COL28A1: variants seen among roughly 807,000 people sequenced by gnomAD.
COL28A1 encodes the protein collagen type XXVIII alpha 1 chain, also known as collagen alpha-1(XXVIII) chain.
COL28A1 carries 161 observed loss-of-function variants against 150.2 expected under a neutral mutation model. That is an observed-to-expected ratio of 1.07 (90% CI 0.94 to 1.22). The LOEUF is 1.22. COL28A1 is among the 50% of genes most tolerant of loss of function. The pLI is 0.00. For missense variants in COL28A1, 1,617 were observed against 1,388.3 expected, an observed-to-expected ratio of 1.16 and a Z score of -2.62; for synonymous variants, 552 against 469.7, an observed-to-expected ratio of 1.18 and a Z score of -2.26.
chr7:7,492,302 G>A (rs1779957213), intron 11 of COL28A1, among the ~76,000 whole-genome samples: 1 of 152,090 alleles, frequency 6.6e-6, no homozygotes, highest in African/African-American at 2.4e-5. Flanking sequence ...TAACCGATGT[G>A]GTGGCTCATG....
Position 7,496,831 on chromosome 7 carries a change from G to A in COL28A1, c.1027-6185C>T, listed in dbSNP as rs1004428615. Among the ~76,000 whole-genome samples the A allele has an allele frequency of 1.2e-4, 18 of 152,124 alleles. 1 individual carries two copies. Among genetic ancestry groups the A allele is most frequent in the African/African-American group, 4.3e-4 (18 of 41,482 alleles). The stretch of plus-strand genomic sequence containing the variant: ...AAAAATCATTTCCCAGATATGCATG[G>A]GACCAACTTTAATATTTTAAGTTTT... On this transcript the variant is annotated intron_variant, in intron 11 of 34. Coordinates refer to ENST00000399429, the MANE Select transcript of COL28A1 (RefSeq NM_001037763.3).
At chr7:7,380,570 C>G (rs1005571834) in intron 30 of COL28A1, 90 bp downstream of exon 30, 1 of 1,151,542 alleles carries the variant, frequency 8.7e-7, no homozygotes, top group African/African-American at 1.6e-5. Context: ...GATTCTGCAT[C>G]CAAAAAATTC....
downstream of COL28A1, among the ~76,000 whole-genome samples, chr7:7,351,647 A>C (rs1260980551): frequency 2.6e-5 from 4 of 152,206 alleles, no homozygotes; most frequent in Non-Finnish European, 5.9e-5. Context: ...GTTCATTTAA[A>C]TGAAAGATTT....
chr7:7,347,227 C>G, the COL28A1 span, among the ~76,000 whole-genome samples: 1 of 151,978 alleles, frequency 6.6e-6, no homozygotes, highest in African/African-American at 2.4e-5. Context: ...GGTGCATGAG[C>G]CCTGACTTAA....
intron 32 of COL28A1, among the ~76,000 whole-genome samples, chr7:7,371,901 C>T (rs1377490685): frequency 2.0e-5 from 3 of 151,896 alleles, no homozygotes; most frequent in African/African-American, 2.4e-5. Flanking sequence ...GGTACAATCT[C>T]GGCTCACTGT....
At chr7:7,354,636 C>T (rs1780308013), downstream of COL28A1, among the ~76,000 whole-genome samples, 1 of 152,140 alleles carries the variant, frequency 6.6e-6, no homozygotes, top group African/African-American at 2.4e-5. Context: ...CAGCAAGAAT[C>T]TATGAGTATA....
chr7:7,443,988 T>TTTG (rs1308638228), intron 19 of COL28A1, among the ~76,000 whole-genome samples: 1 of 145,978 alleles, frequency 6.9e-6, no homozygotes, highest in Admixed American at 6.8e-5. Flanking sequence ...CATCTGCTGT[T>TTTG]TTTTTTTTTT....
At chr7:7,453,571 T>C (rs1786888116) in intron 16 of COL28A1, 63 bp from the exon 17 acceptor site, 3 of 817,782 alleles carry the variant, frequency 3.7e-6, no homozygotes, top group Non-Finnish European at 6.3e-6. Flanking sequence ...TCCTCTAAAG[T>C]GAAACTTTAG....
chr7:7,508,798 C>A (rs1050700547), intron 9 of COL28A1, among the ~76,000 whole-genome samples: 11 of 150,814 alleles, frequency 7.3e-5, no homozygotes, highest in African/African-American at 2.2e-4. Context: ...CCCTAGTTGC[C>A]CACACTGGTG....
chr7:7,392,288 G>A (rs1301916339), intron 27 of COL28A1, among the ~76,000 whole-genome samples: 1 of 152,206 alleles, frequency 6.6e-6, no homozygotes, highest in African/African-American at 2.4e-5. Context: ...TTTTAAGAAT[G>A]TTGAATATTG....
At chr7:7,533,054 T>A in intron 1 of COL28A1, 142 bp from the exon 2 acceptor site, 2 of 968,270 alleles carry the variant, frequency 2.1e-6, no homozygotes, top group Non-Finnish European at 2.8e-6. Flanking sequence ...ATATTCACAT[T>A]GAGATTTTGA....
At chr7:7,433,798 A>AG in intron 23 of COL28A1, among the ~76,000 whole-genome samples, 1 of 152,298 alleles carries the variant, frequency 6.6e-6, no homozygotes, top group Non-Finnish European at 1.5e-5. Context: ...GTTTTGATAA[A>AG]GAGCTGCTCA....
intron 11 of COL28A1, among the ~76,000 whole-genome samples, chr7:7,503,287 C>G (rs1780635262): frequency 6.6e-6 from 1 of 152,134 alleles, no homozygotes; most frequent in South Asian, 2.1e-4. Flanking sequence ...GTAGACTAAT[C>G]TGTACAATGG....
At chr7:7,458,152 C>T (rs1374818908) in intron 15 of COL28A1, among the ~76,000 whole-genome samples, 1 of 152,208 alleles carries the variant, frequency 6.6e-6, no homozygotes, top group Non-Finnish European at 1.5e-5. Flanking sequence ...CGCCGTGGCT[C>T]ACGCCTATAA....
At chr7:7,530,796 G>A (rs1350120360) in intron 3 of COL28A1, among the ~76,000 whole-genome samples, 1 of 152,132 alleles carries the variant, frequency 6.6e-6, no homozygotes, top group Non-Finnish European at 1.5e-5. Flanking sequence ...ATGGGCTTGA[G>A]AACATCTAAG....
intron 4 of COL28A1, 177 bp from the exon 5 acceptor site, chr7:7,522,138 C>T (rs1288170684): frequency 1.5e-6 from 1 of 664,668 alleles, no homozygotes; most frequent in Non-Finnish European, 2.8e-6. Context: ...TTACCTTGCA[C>T]ATTTATGGAT....
At chr7:7,487,119 T>C (rs1779666967) in intron 13 of COL28A1, among the ~76,000 whole-genome samples, 1 of 152,114 alleles carries the variant, frequency 6.6e-6, no homozygotes, top group Non-Finnish European at 1.5e-5. Context: ...ACTCATTCTC[T>C]ATATTTTCCA....
intron 7 of COL28A1, among the ~76,000 whole-genome samples, chr7:7,516,086 A>G (rs1781400111): frequency 6.6e-6 from 1 of 152,228 alleles, no homozygotes; most frequent in Admixed American, 6.5e-5. Context: ...ATTTTTCCAT[A>G]TCCAGTTTCT....
intron 1 of COL28A1, among the ~76,000 whole-genome samples, chr7:7,533,828 G>A (rs531170749): frequency 6.6e-6 from 1 of 152,252 alleles, no homozygotes; most frequent in East Asian, 1.9e-4. Flanking sequence ...GTATACCCAA[G>A]AGAATGGGAA....
Sources: allele counts gnomAD v4.1 joint callset (sites outside exome capture counted in the v4.1 genomes callset), GRCh38; gene constraint gnomAD v4.1.1; transcripts MANE v1.5; gene names NCBI Gene and HGNC (gene_info 2026-07-23, HGNC 2026-07-21).